Variants in MED13 observed in about 807,000 individuals in gnomAD.
The protein encoded by MED13 is mediator of RNA polymerase II transcription subunit 13.
A neutral mutation model predicts 225.2 loss-of-function variants in MED13; 23 were observed. The ratio of observed to expected loss-of-function variants is 0.10; its 90% CI spans 0.07 to 0.14. MED13 has a LOEUF of 0.14. Among genes scored for constraint, MED13 ranks in the 10% least tolerant of loss-of-function variants. The pLI is 1.00. For synonymous variants in MED13, 942 were observed against 889.2 expected (o/e 1.06, Z -1.06); for missense variants, 2,197 against 2,594.5 (o/e 0.85, Z 3.33).
intron 16 of MED13, among the ~76,000 whole-genome samples, chr17:61,977,768 G>T (rs1195187452): frequency 1.3e-5 from 2 of 151,722 alleles, no homozygotes; most frequent in Admixed American, 1.3e-4. Context: ...TTTTAATACT[G>T]AAAATTTTTA....
At chr17:61,954,482 A>T (rs2079924450) in intron 26 of MED13, among the ~76,000 whole-genome samples, 1 of 152,194 alleles carries the variant, frequency 6.6e-6, no homozygotes, top group South Asian at 2.1e-4. Context: ...TGCCTTTTAA[A>T]ATAAGTAAAG....
intron 21 of MED13, among the ~76,000 whole-genome samples, chr17:61,962,178 C>G (rs4968464): frequency 0.13 from 20,379 of 152,028 alleles, 1,799 homozygotes; most frequent in East Asian, 0.5. Context: ...CCCAGCTACT[C>G]AGGAGGCTGA....
chr17:62,036,846 G>A (rs1251307953), intron 3 of MED13: 1 of 152,204 alleles, frequency 6.6e-6, no homozygotes, highest in East Asian at 1.9e-4. Context: ...TAGTCTGAAG[G>A]TAGTGAGTTA....
In MED13 at chr17:62,026,890, A is replaced by C. The variant is rs375243447; in HGVS notation, c.1283+2651T>G. 5.3e-4 allele frequency among the ~76,000 whole-genome samples: 80 copies of C among 152,298 alleles called. No individual in the cohort carries two copies. The South Asian group carries it at 0.017, about 32-fold the overall frequency. On this transcript the variant is annotated intron_variant, in intron 8 of 29. Coordinates refer to ENST00000397786, the MANE Select transcript of MED13 (RefSeq NM_005121.3). ...GAATACAGCTTACCAGAAAGGTTAA[A>C]GATCTCTACAATAAGAATTACAAAA...
chr17:62,027,560 C>T (rs745685311), intron 8 of MED13, among the ~76,000 whole-genome samples: 44 of 152,076 alleles, frequency 2.9e-4, no homozygotes, highest in Non-Finnish European at 5.7e-4. Flanking sequence ...GCAATCACAA[C>T]AAAAGCAAAA....
rs1603392286 is a variant in MED13 at position 61,962,707 on chromosome 17, A to C, written c.5064+45T>G. 7 of 1,545,622 alleles carry C rather than the reference A, an allele frequency of 4.5e-6. No individual in the cohort carries two copies. In the East Asian group the frequency reaches 1.6e-4, roughly 35 times the overall value. On this transcript the variant is annotated intron_variant, in intron 21 of 29. Transcript: ENST00000397786. ...AGTATCTGAAACTTCTGACAACATTAAACTGTTTTACATAATTTTAACTCA... is the reference window on the plus strand; with the variant it reads ...AGTATCTGAAACTTCTGACAACATTCAACTGTTTTACATAATTTTAACTCA...
intron 2 of MED13, among the ~76,000 whole-genome samples, chr17:62,059,118 T>C (rs1270471023): frequency 6.6e-6 from 1 of 152,064 alleles, no homozygotes; most frequent in Non-Finnish European, 1.5e-5. Context: ...TTAAATGTAA[T>C]AGGGGTATCT....
chr17:61,952,697 G>C (rs1485720026), intron 27 of MED13, among the ~76,000 whole-genome samples: 3 of 152,128 alleles, frequency 2.0e-5, no homozygotes, highest in African/African-American at 7.2e-5. Flanking sequence ...ATGGCAATTG[G>C]ATGATCTCGG....
intron 8 of MED13, among the ~76,000 whole-genome samples, chr17:62,015,967 T>TATATATATA (rs2080575047): frequency 2.0e-5 from 1 of 48,996 alleles, no homozygotes; most frequent in African/African-American, 8.9e-5. Context: ...TTTTTTTTTT[T>TATATATATA]TTTTTTTTTT....
intron 28 of MED13, among the ~76,000 whole-genome samples, chr17:61,950,004 C>T (rs1248897041): frequency 6.6e-6 from 1 of 152,060 alleles, no homozygotes; most frequent in Non-Finnish European, 1.5e-5. Context: ...ATCTTTTATT[C>T]CCCAAAATAA....
chr17:62,027,720 T>C (rs981331551), intron 8 of MED13, among the ~76,000 whole-genome samples: 17 of 151,862 alleles, frequency 1.1e-4, no homozygotes, highest in African/African-American at 2.9e-4. Flanking sequence ...AAAACTTAAA[T>C]TTATATATAA....
intron 12 of MED13, among the ~76,000 whole-genome samples, chr17:61,986,543 T>C (rs1234474905): frequency 6.6e-6 from 1 of 152,234 alleles, no homozygotes; most frequent in Non-Finnish European, 1.5e-5. Context: ...TGTTATATCA[T>C]GTATCTGTCT....
intron 3 of MED13, among the ~76,000 whole-genome samples, chr17:62,036,165 GACTT>G (rs1480683590): frequency 6.6e-6 from 1 of 151,204 alleles, no homozygotes; most frequent in African/African-American, 2.4e-5. Context: ...AATTAACAGT[GACTT>G]AATTTTTATT....
rs60236710 is a variant in MED13, at chr17:62,008,016, C to CAAAAAAAAAAAAAA, written c.1967+2520_1967+2533dup. On this transcript the variant is annotated intron_variant, in intron 9 of 29. Coordinates refer to ENST00000397786, the MANE Select transcript of MED13 (RefSeq NM_005121.3). ...CCTGGAGGAAAGAGCGAGACTGTCT[C>CAAAAAAAAAAAAAA]AAAAAAAAAAAAAAAAAAAAGCTGT... Among the ~76,000 whole-genome samples the CAAAAAAAAAAAAAA allele has an allele frequency of 1.7e-3, 85 of 50,498 alleles. 4 individuals are homozygous for CAAAAAAAAAAAAAA. Among genetic ancestry groups the CAAAAAAAAAAAAAA allele is most frequent in the African/African-American group, 5.0e-3 (74 of 14,684 alleles). The allele number at this position is 50,498 out of a possible 152,430, so 33.1% of individuals were successfully genotyped here.
intron 1 of MED13, 54 bp from the exon 2 acceptor site, chr17:62,063,355 AG>A (rs1374152264): frequency 8.8e-7 from 1 of 1,137,992 alleles, no homozygotes. Context: ...CAAAGTCAAA[AG>A]TACTCAATAT....
At chr17:61,954,527 C>T (rs1005269715) in intron 26 of MED13, among the ~76,000 whole-genome samples, 5 of 151,988 alleles carry the variant, frequency 3.3e-5, no homozygotes, top group Non-Finnish European at 7.4e-5. Context: ...TTATAATCCC[C>T]GCACTTTGGG....
intron 3 of MED13, among the ~76,000 whole-genome samples, chr17:62,049,587 A>C (rs2080936385): frequency 1.3e-5 from 2 of 151,108 alleles, no homozygotes; most frequent in South Asian, 4.1e-4. Flanking sequence ...TAATTAAGTG[A>C]AAAAAAGGGA....
At chr17:61,989,200 C>T (rs973714361) in intron 11 of MED13, among the ~76,000 whole-genome samples, 6 of 151,918 alleles carry the variant, frequency 3.9e-5, no homozygotes, top group South Asian at 4.2e-4. Flanking sequence ...TTAGTAGAGA[C>T]GGGGTTTCAC....
rs2080230392 is a variant in MED13, at chr17:61,984,360, G to A, written c.2699C>T (p.Ser900Phe). Residue 900 changes from serine (S) to phenylalanine (F), a missense_variant, in exon 15 of 30, where the codon TCT becomes TTT. Transcript: ENST00000397786. The part of the protein sequence containing the change: ...SPKPSEIKDF[S>F]YVYKPENCQI... ...ACAATTTTCAGGCTTATAGACATAA[G>A]AAAAATCCTACAATATAAAGATGGT... is the stretch of plus-strand genomic sequence containing the variant. The A allele has an allele frequency of 1.3e-6, 2 of 1,555,822 alleles. No homozygotes were observed. Among genetic ancestry groups the A allele is most frequent in the Non-Finnish European group, 1.7e-6 (2 of 1,158,108 alleles).
Sources: gnomAD v4.1 joint callset for allele counts (sites outside exome capture counted in the v4.1 genomes callset) on GRCh38, gnomAD v4.1.1 for gene constraint, MANE v1.5 for transcripts, NCBI Gene and HGNC (gene_info 2026-07-23, HGNC 2026-07-21) for gene names.